The following ZNF516 variants were observed in gnomAD, a reference collection of about 807,000 sequenced individuals.
ZNF516 encodes zinc finger protein 516.
A neutral mutation model predicts 79.7 loss-of-function variants in ZNF516; 19 were observed. That is an observed-to-expected ratio of 0.24 (90% CI 0.17 to 0.35). The LOEUF (loss-of-function observed/expected upper bound fraction) is 0.35, where lower values mean the gene tolerates loss of function less well. Ranked by LOEUF, ZNF516 falls within the 10% of genes least tolerant of loss-of-function variation. ZNF516 has a pLI of 1.00. For synonymous variants in ZNF516, 877 were observed against 739.5 expected (o/e 1.19, Z -3.02); for missense variants, 1,678 against 1,679.5 (o/e 1.00, Z 0.02).
At chr18:76,471,893 G>A (rs554909616) in intron 1 of ZNF516, among the ~76,000 whole-genome samples, 45 of 152,160 alleles carry the variant, frequency 3.0e-4, no homozygotes, top group Non-Finnish European at 1.2e-4. Flanking sequence ...AGGACATCAC[G>A]CCCACTAGGA....
chr18:76,468,705 C>A (rs758606220), intron 1 of ZNF516, among the ~76,000 whole-genome samples: 5 of 152,148 alleles, frequency 3.3e-5, no homozygotes, highest in Non-Finnish European at 5.9e-5. Context: ...CAGGTATGAG[C>A]CAACGCGCCC....
upstream of ZNF516, chr18:76,495,285 A>G (rs1050346876): frequency 1.4e-5 from 2 of 144,038 alleles, no homozygotes; most frequent in African/African-American, 5.0e-5. Context: ...GGGACGCGCG[A>G]GGGCGCGCGG....
chr18:76,380,285 C>G lies in ZNF516; in HGVS notation c.1829G>C (p.Cys610Ser), dbSNP rs376117649. Residue 610 changes from cysteine to serine, a missense_variant, in exon 4 of 7, where the codon TGC becomes TCC. Cys to Ser is a moderately radical substitution (Grantham distance 112). Transcript: ENST00000443185. ...EPAPGGQPRRCCFSEEVTSTE... is the reference protein window; with the variant it reads ...EPAPGGQPRRSCFSEEVTSTE... The stretch of plus-strand genomic sequence containing the variant: ...CGAAGTCACCTCTTCGGAAAAGCAG[C>G]AGCGGCGCGGCTGTCCCCCTAGAGG... The G allele has an allele frequency of 1.5e-5, 25 of 1,613,432 alleles. No homozygotes were observed. The African/African-American group carries it at 3.3e-4, about 22-fold the overall frequency.
intron 3 of ZNF516, among the ~76,000 whole-genome samples, chr18:76,411,991 C>A (rs908528896): frequency 8.5e-5 from 13 of 152,200 alleles, no homozygotes; most frequent in Non-Finnish European, 4.4e-5. Context: ...AAGGAGTCAA[C>A]CCGAGATGAT....
intron 3 of ZNF516, among the ~76,000 whole-genome samples, chr18:76,416,125 G>A (rs1372537071): frequency 1.3e-5 from 2 of 152,244 alleles, no homozygotes; most frequent in African/African-American, 4.8e-5. Context: ...TACTGAAAGT[G>A]AAGGAAAAAC....
At chr18:76,417,491 T>C (rs1376823828) in intron 3 of ZNF516, among the ~76,000 whole-genome samples, 9 of 152,250 alleles carry the variant, frequency 5.9e-5, no homozygotes, top group Admixed American at 5.9e-4. Context: ...ACATGCTTTG[T>C]AAACATATTT....
At chr18:76,482,587 T>C (rs1167624823) in intron 1 of ZNF516, among the ~76,000 whole-genome samples, 1 of 152,210 alleles carries the variant, frequency 6.6e-6, no homozygotes, top group Non-Finnish European at 1.5e-5. Context: ...TATGTTACCA[T>C]GTTCAGTAGA....
At chr18:76,463,939 AAGAC>A (rs968374445) in intron 1 of ZNF516, among the ~76,000 whole-genome samples, 2 of 152,220 alleles carry the variant, frequency 1.3e-5, no homozygotes, top group East Asian at 1.9e-4. Context: ...AAAAGGAAAA[AAGAC>A]AGAAGAAGAT....
At chr18:76,464,808 T>A (rs1913356758) in intron 1 of ZNF516, among the ~76,000 whole-genome samples, 1 of 152,146 alleles carries the variant, frequency 6.6e-6, no homozygotes, top group African/African-American at 2.4e-5. Context: ...GGTTAAAAAG[T>A]CTCCTTTTTT....
rs1555711243 is a variant in ZNF516, at chr18:76,440,734, G to GTGTGTT, written c.1810+510_1810+511insAACACA. Among the ~76,000 whole-genome samples the GTGTGTT allele has an allele frequency of 3.2e-3, 212 of 66,938 alleles. 1 individual carries two copies. The highest frequency in any genetic ancestry group is 9.4e-3 in the African/African-American group (201 of 21,386). The allele number at this position is 66,938 out of a possible 152,430, so 43.9% of individuals were successfully genotyped here. A position where few individuals can be genotyped will look rare whatever the true frequency, so the allele number is the denominator to read the frequency against. On this transcript the variant is annotated intron_variant, in intron 3 of 6. Coordinates refer to ENST00000443185, the MANE Select transcript of ZNF516 (RefSeq NM_014643.4). ...AGCTGGAGTGGAGGAAAGTGTGTGT[G>GTGTGTT]TGTGTGTTTGTGTGTGTGTGTGTGT...
chr18:76,466,115 G>C (rs1479263320), intron 1 of ZNF516, among the ~76,000 whole-genome samples: 1 of 152,144 alleles, frequency 6.6e-6, no homozygotes, highest in Non-Finnish European at 1.5e-5. Flanking sequence ...CCTGGGTGAC[G>C]GTCTAAGCCA....
chr18:76,474,578 T>A (rs1451307473), intron 1 of ZNF516, among the ~76,000 whole-genome samples: 4 of 152,188 alleles, frequency 2.6e-5, no homozygotes, highest in African/African-American at 9.6e-5. Flanking sequence ...TAAAATAAAA[T>A]TCAATTACTT....
chr18:76,373,315 G>C (rs1222697581), intron 4 of ZNF516, among the ~76,000 whole-genome samples: 2 of 151,076 alleles, frequency 1.3e-5, no homozygotes, highest in African/African-American at 4.9e-5. Flanking sequence ...GAGAAGGGGA[G>C]AAAGAAAAGA....
intron 1 of ZNF516, chr18:76,490,841 G>C (rs747784448): frequency 1.7e-4 from 169 of 985,362 alleles, no homozygotes; most frequent in Non-Finnish European, 2.0e-4. Flanking sequence ...TTGTTACGCA[G>C]GGGACACCCC....
At chr18:76,415,184 G>C (rs532422918) in intron 3 of ZNF516, among the ~76,000 whole-genome samples, 4 of 152,178 alleles carry the variant, frequency 2.6e-5, no homozygotes, top group Non-Finnish European at 4.4e-5. Flanking sequence ...GTGGGCAACA[G>C]AGCAAGACTC....
chr18:76,451,306 G>A lies in ZNF516; in HGVS notation c.-157-8095C>T, dbSNP rs1434619801. Among the ~76,000 whole-genome samples, 7 of 152,104 alleles carry A rather than the reference G, an allele frequency of 4.6e-5. No individual in the cohort carries two copies. Among genetic ancestry groups the A allele is most frequent in the Admixed American group, 2.0e-4 (3 of 15,272 alleles). On this transcript the variant is annotated intron_variant, in intron 2 of 6. Transcript: ENST00000443185. This position sits in a 1 kb window ranked among gnomAD's most constrained non-coding sequence, Gnocchi z 6.0. ...TCTGCGTCCTCTCTGACCACCTTCCGGGGGCGGGGGGGGCACCGATGTCAG... is the reference window on the plus strand; with the variant it reads ...TCTGCGTCCTCTCTGACCACCTTCCAGGGGCGGGGGGGGCACCGATGTCAG...
At chr18:76,452,130 G>T (rs2145616847) in intron 2 of ZNF516, among the ~76,000 whole-genome samples, 1 of 152,276 alleles carries the variant, frequency 6.6e-6, no homozygotes, top group South Asian at 2.1e-4. Context: ...CCCCCACTAG[G>T]GGAAAAAGGA....
intron 1 of ZNF516, among the ~76,000 whole-genome samples, chr18:76,479,734 G>T (rs1044845392): frequency 1.3e-5 from 2 of 152,252 alleles, no homozygotes; most frequent in African/African-American, 2.4e-5. Context: ...GCCCTCTGTT[G>T]CAAGAGTGTG....
intron 2 of ZNF516, among the ~76,000 whole-genome samples, chr18:76,461,606 T>G (rs1282703541): frequency 6.6e-6 from 1 of 152,240 alleles, no homozygotes; most frequent in Non-Finnish European, 1.5e-5. Flanking sequence ...CACAAACGTT[T>G]TGCAATCTTG....
Sources: allele counts gnomAD v4.1 joint callset (sites outside exome capture counted in the v4.1 genomes callset), GRCh38; gene constraint gnomAD v4.1.1; non-coding constraint Gnocchi (gnomAD v3.1); transcripts MANE v1.5; gene names NCBI Gene and HGNC (gene_info 2026-07-23, HGNC 2026-07-21).